FUT8: variants seen among roughly 807,000 people sequenced by gnomAD.
The protein encoded by FUT8 is fucosyltransferase 8.
A neutral mutation model predicts 71.3 loss-of-function variants in FUT8; 29 were observed. That is an observed-to-expected ratio of 0.41 (90% CI 0.30 to 0.55). The LOEUF (loss-of-function observed/expected upper bound fraction) is 0.55. Among genes scored for constraint, FUT8 ranks in the 20% least tolerant of loss-of-function variants. The probability of loss-of-function intolerance (pLI) is 0.34; values close to 1 mark genes in which losing one functional copy is unlikely to be tolerated. For missense variants in FUT8, 544 were observed against 702.1 expected (o/e 0.77, Z 2.55); for synonymous variants, 254 against 239.3 (o/e 1.06, Z -0.57).
chr14:65,612,113 G>A (rs1889032565), intron 3 of FUT8, among the ~76,000 whole-genome samples: 1 of 151,962 alleles, frequency 6.6e-6, no homozygotes, highest in African/African-American at 2.4e-5. Flanking sequence ...CTTCTTTATG[G>A]GTTGTCTTTT....
intron 7 of FUT8, among the ~76,000 whole-genome samples, chr14:65,710,204 C>T (rs1422086209): frequency 6.6e-6 from 1 of 151,842 alleles, no homozygotes; most frequent in African/African-American, 2.4e-5. Flanking sequence ...ATAAAAGAAA[C>T]TCATTTAAGT....
intron 3 of FUT8, among the ~76,000 whole-genome samples, chr14:65,612,853 A>C (rs1021500196): frequency 6.6e-6 from 1 of 152,180 alleles, no homozygotes; most frequent in African/African-American, 2.4e-5. Context: ...AGGATGGTAA[A>C]TGTCTTGGCT....
chr14:65,466,225 G>A (rs767910068), intron 2 of FUT8, among the ~76,000 whole-genome samples: 1 of 152,044 alleles, frequency 6.6e-6, no homozygotes. Flanking sequence ...CGTTTGATTT[G>A]CTCTCGACAG....
At chr14:65,700,546 A>G (rs1178578671) in intron 7 of FUT8, among the ~76,000 whole-genome samples, 1 of 150,936 alleles carries the variant, frequency 6.6e-6, no homozygotes, top group Non-Finnish European at 1.5e-5. Flanking sequence ...ACCCGCCACC[A>G]CACCTGGCTA....
chr14:65,655,992 T>C (rs951145851), intron 6 of FUT8, among the ~76,000 whole-genome samples: 2 of 123,726 alleles, frequency 1.6e-5, no homozygotes, highest in Admixed American at 8.8e-5. Flanking sequence ...AACAGACCCA[T>C]AACTAGTACC....
chr14:65,531,204 G>A (rs1307036610), intron 2 of FUT8, among the ~76,000 whole-genome samples: 2 of 151,570 alleles, frequency 1.3e-5, no homozygotes, highest in African/African-American at 4.8e-5. Context: ...AAGGATATGA[G>A]GTACTCACGA....
chr14:65,511,310 A>T (rs1308272248), intron 2 of FUT8, among the ~76,000 whole-genome samples: 1 of 151,956 alleles, frequency 6.6e-6, no homozygotes, highest in Non-Finnish European at 1.5e-5. Context: ...TAAATGTTTT[A>T]AGACTTGTTT....
chr14:65,551,830 C>A (rs1470136590), intron 2 of FUT8, among the ~76,000 whole-genome samples: 1 of 152,132 alleles, frequency 6.6e-6, no homozygotes, highest in East Asian at 1.9e-4. Flanking sequence ...TTATCGTAAT[C>A]ATTGTAAATT....
At position 65,606,715 on chromosome 14, in the gene FUT8, C is replaced by T. The variant is rs1303627591; in HGVS notation, c.204-9263C>T. Among the ~76,000 whole-genome samples, 3 of 151,660 alleles carry T rather than the reference C, an allele frequency of 2.0e-5. 1 individual carries two copies. Among genetic ancestry groups the T allele is most frequent in the African/African-American group, 4.8e-5 (2 of 41,344 alleles). Reference sequence around the variant, plus strand: ...CATTAGTAAAACTTTGTTTTGTTTTCTGATGGGGGGAAATCCTATTTTTTT... The same window carrying T: ...CATTAGTAAAACTTTGTTTTGTTTTTTGATGGGGGGAAATCCTATTTTTTT... On this transcript the variant is annotated intron_variant, in intron 3 of 10. Transcript: ENST00000673929.
At chr14:65,590,417 A>G (rs1402548313) in intron 3 of FUT8, among the ~76,000 whole-genome samples, 2 of 152,152 alleles carry the variant, frequency 1.3e-5, no homozygotes, top group African/African-American at 4.8e-5. Flanking sequence ...TAACCTGCAG[A>G]ATTGTTTTTA....
At position 65,669,627 on chromosome 14, in the gene FUT8, G is replaced by T. The variant is rs750429867; in HGVS notation, c.835+147G>T. The T allele has an allele frequency of 5.6e-6, 3 of 536,524 alleles. No individual in the cohort carries two copies. Among genetic ancestry groups the T allele is most frequent in the Non-Finnish European group, 9.8e-6 (3 of 306,488 alleles). The allele number at this position is 536,524 out of a possible 1,614,324, so 33.2% of individuals were successfully genotyped here. A position where few individuals can be genotyped will look rare whatever the true frequency, so the allele number is the denominator to read the frequency against. ...TACATTATCCAGATAAAATCTAGAA[G>T]AACAGTATTTTATCTTAAAAGTATT... On this transcript the variant is annotated intron_variant, in intron 7 of 10. Transcript: ENST00000673929. This position sits in a 1 kb window ranked among gnomAD's most constrained non-coding sequence, Gnocchi z 4.5.
At chr14:65,395,387 C>T in the FUT8 span, among the ~76,000 whole-genome samples, 1 of 152,226 alleles carries the variant, frequency 6.6e-6, no homozygotes, top group Admixed American at 6.5e-5. Flanking sequence ...TCCATGTGGG[C>T]CCCTCCCCTG....
intron 2 of FUT8, among the ~76,000 whole-genome samples, chr14:65,475,839 A>G (rs1260404972): frequency 6.6e-6 from 1 of 152,146 alleles, no homozygotes; most frequent in East Asian, 1.9e-4. Flanking sequence ...TGAGGAAATC[A>G]GTCTTGGGCC....
intron 7 of FUT8, among the ~76,000 whole-genome samples, chr14:65,700,589 C>T (rs542734509): frequency 5.9e-5 from 9 of 151,692 alleles, no homozygotes; most frequent in East Asian, 3.9e-4. Context: ...TTAGTAGAGA[C>T]GGGGTTTCAC....
intron 2 of FUT8, among the ~76,000 whole-genome samples, chr14:65,553,394 C>A (rs1351790327): frequency 1.3e-5 from 2 of 151,990 alleles, no homozygotes; most frequent in African/African-American, 4.8e-5. Context: ...ATATTATAAA[C>A]CCAGTGATAC....
intron 1 of FUT8, among the ~76,000 whole-genome samples, chr14:65,445,263 G>A (rs1428129308): frequency 3.3e-5 from 5 of 152,152 alleles, no homozygotes; most frequent in Non-Finnish European, 7.4e-5. Context: ...GCCATGTGAG[G>A]ATGTAACATT....
the FUT8 span, among the ~76,000 whole-genome samples, chr14:65,368,956 G>A: frequency 5.3e-5 from 8 of 152,160 alleles, no homozygotes; most frequent in African/African-American, 1.2e-4. Context: ...CACCATGCCC[G>A]GCTGCAAAAT....
intron 3 of FUT8, among the ~76,000 whole-genome samples, chr14:65,611,612 G>C (rs1185384217): frequency 6.6e-6 from 1 of 151,676 alleles, no homozygotes; most frequent in East Asian, 1.9e-4. Flanking sequence ...AGACATTATA[G>C]TTTTCATCTG....
chr14:65,408,282 T>TA (rs1296539700), upstream of FUT8, among the ~76,000 whole-genome samples: 2 of 152,136 alleles, frequency 1.3e-5, no homozygotes, highest in East Asian at 1.9e-4. Flanking sequence ...TGTAAGGACT[T>TA]ACGCTGGCCA....
Sources: gnomAD v4.1 joint callset for allele counts (sites outside exome capture counted in the v4.1 genomes callset) on GRCh38, gnomAD v4.1.1 for gene constraint, Gnocchi (gnomAD v3.1) non-coding constraint, MANE v1.5 for transcripts, NCBI Gene and HGNC (gene_info 2026-07-23, HGNC 2026-07-21) for gene names.